PRAG1: variants seen among roughly 807,000 people sequenced by gnomAD.
PRAG1 encodes inactive tyrosine-protein kinase PRAG1.
A neutral mutation model predicts 95.6 loss-of-function variants in PRAG1; 110 were observed. The ratio of observed to expected loss-of-function variants is 1.15; its 90% CI spans 0.99 to 1.35. The LOEUF (loss-of-function observed/expected upper bound fraction) is 1.35. Among genes scored for constraint, PRAG1 ranks in the 40% most tolerant of loss-of-function variants. The probability of loss-of-function intolerance (pLI) is 0.00; values close to 1 mark genes in which losing one functional copy is unlikely to be tolerated. For synonymous variants in PRAG1, 1,052 were observed against 819.4 expected (o/e 1.28, Z -4.85); for missense variants, 2,554 against 1,864.7 (o/e 1.37, Z -6.81).
intron 5 of PRAG1, among the ~76,000 whole-genome samples, chr8:8,324,365 T>G (rs1161096091): frequency 1.3e-5 from 2 of 152,202 alleles, no homozygotes; most frequent in Non-Finnish European, 2.9e-5. Context: ...GCAACTGGGC[T>G]GGATGCATTT....
intron 3 of PRAG1, among the ~76,000 whole-genome samples, chr8:8,353,510 A>G (rs988182553): frequency 6.6e-6 from 1 of 152,228 alleles, no homozygotes; most frequent in African/African-American, 2.4e-5. Flanking sequence ...GAGAAAAATG[A>G]CAATAGAAAT....
At chr8:8,347,510 T>G in intron 3 of PRAG1, among the ~76,000 whole-genome samples, 1 of 152,204 alleles carries the variant, frequency 6.6e-6, no homozygotes, top group Non-Finnish European at 1.5e-5. Flanking sequence ...TTCTCTTCAT[T>G]TATTCTCTAC....
Position 8,331,733 on chromosome 8 carries a change from CA to C in PRAG1, c.2321-3273del, listed in dbSNP as rs200509706. ...TTAGACTGTATGGTAGGTCCCAGCACAAAAAACCCTTCGTGTATTCAGGCAG... is the reference window on the plus strand; with the variant it reads ...TTAGACTGTATGGTAGGTCCCAGCACAAAAACCCTTCGTGTATTCAGGCAG... On this transcript the variant is annotated intron_variant, in intron 4 of 5. Transcript: ENST00000615670. 8.0e-3 allele frequency among the ~76,000 whole-genome samples: 1,217 copies of C among 152,190 alleles called. 8 individuals carry two copies. The highest frequency in any genetic ancestry group is 0.012 in the South Asian group (57 of 4,826).
chr8:8,348,371 G>C (rs570308155), intron 3 of PRAG1, among the ~76,000 whole-genome samples: 15 of 152,346 alleles, frequency 9.8e-5, no homozygotes, highest in African/African-American at 2.9e-4. Context: ...GTCCTCTGTA[G>C]TGACAGAAAC....
intron 5 of PRAG1, among the ~76,000 whole-genome samples, chr8:8,322,756 T>G (rs562239277): frequency 4.2e-4 from 64 of 152,332 alleles, no homozygotes; most frequent in African/African-American, 1.5e-3. Flanking sequence ...GACATTCCTT[T>G]CTATTGATAA....
At chr8:8,367,646 G>GT (rs1190848329) in intron 3 of PRAG1, among the ~76,000 whole-genome samples, 1 of 151,568 alleles carries the variant, frequency 6.6e-6, no homozygotes, top group Non-Finnish European at 1.5e-5. Context: ...TGGTGGTTTT[G>GT]TTTTTTGTTT....
At chr8:8,378,874 T>TAA (rs1389731830) in intron 2 of PRAG1, among the ~76,000 whole-genome samples, 13 of 29,330 alleles carry the variant, frequency 4.4e-4, no homozygotes, top group Admixed American at 4.2e-3. Flanking sequence ...ATAATGATAA[T>TAA]TAATAATAAT....
intron 3 of PRAG1, among the ~76,000 whole-genome samples, chr8:8,364,433 C>G (rs1799941177): frequency 6.6e-6 from 1 of 152,164 alleles, no homozygotes; most frequent in African/African-American, 2.4e-5. Context: ...TGATACACTG[C>G]TTTAATTTCT....
At chr8:8,363,044 G>T (rs905812480) in intron 3 of PRAG1, among the ~76,000 whole-genome samples, 8 of 148,104 alleles carry the variant, frequency 5.4e-5, no homozygotes, top group African/African-American at 1.7e-4. Flanking sequence ...AAAGTATAAA[G>T]ATATATATAT....
rs199636944 is a variant in PRAG1, at chr8:8,339,635, C to T, written c.2163G>A (p.Arg721=). ...TGCTCTTGTTCATTTTTAGAAGGTG[C>T]CTGGAAAAGGTAGGAACAAACAATA... is the stretch of plus-strand genomic sequence containing the variant. ...FSPPPPPPKS[R]HLLKMNKSSS... The change falls in exon 4 of 6, where the codon CGG becomes CGA. Residue 721 remains arginine (R), a splice_region_variant and synonymous_variant. Coordinates refer to ENST00000615670, the MANE Select transcript of PRAG1 (RefSeq NM_001080826.3). 296 of 1,610,366 alleles carry T rather than the reference C, an allele frequency of 1.8e-4. 1 individual carries two copies. The highest frequency in any genetic ancestry group is 4.9e-4 in the Middle Eastern group (3 of 6,072).
At chr8:8,365,591 T>A (rs1257747533) in intron 3 of PRAG1, among the ~76,000 whole-genome samples, 1 of 151,090 alleles carries the variant, frequency 6.6e-6, no homozygotes, top group Non-Finnish European at 1.5e-5. Context: ...GCCATTGCAC[T>A]CCAGCCTGGG....
At chr8:8,384,694 G>A (rs780145433) in intron 1 of PRAG1, among the ~76,000 whole-genome samples, 1 of 151,298 alleles carries the variant, frequency 6.6e-6, no homozygotes, top group Non-Finnish European at 1.5e-5. Flanking sequence ...AGTAAAAGAT[G>A]GTGAGAAACA....
At position 8,329,868 on chromosome 8, in the gene PRAG1, C is replaced by G. The variant is rs547399591; in HGVS notation, c.2321-1407G>C. 3.6e-4 allele frequency among the ~76,000 whole-genome samples: 55 copies of G among 152,314 alleles called. 1 individual carries two copies. The South Asian group carries it at 0.011, about 29-fold the overall frequency. ...CATGGGCTGACATTCATGCCCCAGC[C>G]TCAGTGACCGAGGCAGCATTAGTGA... On this transcript the variant is annotated intron_variant, in intron 4 of 5. Coordinates refer to ENST00000615670, the MANE Select transcript of PRAG1 (RefSeq NM_001080826.3).
chr8:8,361,354 G>C (rs1005873466), intron 3 of PRAG1, among the ~76,000 whole-genome samples: 1 of 152,180 alleles, frequency 6.6e-6, no homozygotes, highest in Non-Finnish European at 1.5e-5. Context: ...GTTATATGGT[G>C]GGAGGAAATA....
chr8:8,341,186 T>A (rs1333496513), intron 3 of PRAG1, among the ~76,000 whole-genome samples: 1 of 151,960 alleles, frequency 6.6e-6, no homozygotes, highest in African/African-American at 2.4e-5. Flanking sequence ...GCCCAGAAAA[T>A]CACTAAGGGA....
chr8:8,376,220 G>A (rs1398604573), intron 3 of PRAG1, 27 bp downstream of exon 3: 1 of 1,599,100 alleles, frequency 6.3e-7, no homozygotes, highest in South Asian at 1.1e-5. Flanking sequence ...CCTGCAGACA[G>A]AGTCCCAGGC....
chr8:8,324,488 G>C (rs1798570215), intron 5 of PRAG1, among the ~76,000 whole-genome samples: 1 of 152,144 alleles, frequency 6.6e-6, no homozygotes, highest in South Asian at 2.1e-4. Flanking sequence ...CTGTAGGCCC[G>C]CGCCGGAGAT....
intron 4 of PRAG1, among the ~76,000 whole-genome samples, chr8:8,330,095 G>A (rs915617592): frequency 1.3e-5 from 2 of 152,208 alleles, no homozygotes; most frequent in African/African-American, 4.8e-5. Flanking sequence ...GCTGGGCACG[G>A]TGGCTTATGC....
chr8:8,376,066 G>T (rs1449864339), intron 3 of PRAG1, among the ~76,000 whole-genome samples, 181 bp downstream of exon 3: 3 of 152,140 alleles, frequency 2.0e-5, no homozygotes, highest in African/African-American at 7.2e-5. Flanking sequence ...TGGGTACAAA[G>T]AGGGCCACAA....
Sources: allele counts gnomAD v4.1 joint callset (sites outside exome capture counted in the v4.1 genomes callset), GRCh38; gene constraint gnomAD v4.1.1; transcripts MANE v1.5; gene names NCBI Gene and HGNC (gene_info 2026-07-23, HGNC 2026-07-21).